Variants in DIPK2A observed in about 807,000 individuals in gnomAD.
The protein encoded by DIPK2A is Golgi Protein of 49 kDa.
In DIPK2A, 27 loss-of-function variants were observed where a neutral mutation model predicts 39.0. The observed-to-expected ratio is 0.69, with a 90% CI of 0.51 to 0.96. The LOEUF (loss-of-function observed/expected upper bound fraction) is 0.96. Among genes scored for constraint, DIPK2A ranks in the 40% least tolerant of loss-of-function variants. The probability of loss-of-function intolerance (pLI) is 0.00; values close to 1 mark genes in which losing one functional copy is unlikely to be tolerated. For synonymous variants in DIPK2A, 298 were observed against 240.8 expected (o/e 1.24, Z -2.20); for missense variants, 528 against 571.3 (o/e 0.92, Z 0.77).
intron 1 of DIPK2A, chr3:143,978,652 A>ATC (rs2087778048): frequency 9.9e-5 from 5 of 50,644 alleles, no homozygotes; most frequent in East Asian, 5.6e-4. Flanking sequence ...ATATATATAT[A>ATC]TATATATCTA....
intron 1 of DIPK2A, among the ~76,000 whole-genome samples, chr3:143,981,132 G>C (rs1271389881): frequency 6.6e-6 from 1 of 152,160 alleles, no homozygotes; most frequent in African/African-American, 2.4e-5. Context: ...TAACCTGGCA[G>C]GATGGTGGAT....
chr3:143,972,759 C>T lies in DIPK2A; in HGVS notation c.427C>T (p.Arg143Trp). Reference protein sequence around the residue: ...PRCDLLQAMPRTEFARLNGDV... With the variant: ...PRCDLLQAMPWTEFARLNGDV... Reference sequence around the variant, plus strand: ...CTGCGACCTGCTGCAGGCCATGCCCCGGACCGAGTTCGCGCGCCTCAACGG... The same window carrying T: ...CTGCGACCTGCTGCAGGCCATGCCCTGGACCGAGTTCGCGCGCCTCAACGG... Residue 143 changes from arginine (R) to tryptophan (W), a missense_variant, in exon 1 of 3, where the codon CGG becomes TGG. By Grantham distance (101) the Arg-to-Trp change is moderately radical (BLOSUM62 -3). This residue lies in a region of DIPK2A where 309 missense variants were observed against 289.8 expected (regional missense o/e 1.07). Coordinates refer to ENST00000315691, the MANE Select transcript of DIPK2A (RefSeq NM_173552.5). 8.9e-6 allele frequency: 14 copies of T among 1,576,396 alleles called. No homozygotes were observed. The highest frequency in any genetic ancestry group is 1.2e-5 in the Non-Finnish European group (14 of 1,165,072).
rs1195574149 is a variant in DIPK2A at position 143,972,603 on chromosome 3, G to A, written c.271G>A (p.Val91Met). ...RLLDFLNVKN[V>M]YFAQYGEPRE... ...GCTGGACTTCCTCAACGTGAAGAAC[G>A]TGTACTTCGCGCAGTACGGCGAGCC... is the stretch of plus-strand genomic sequence containing the variant. The change falls in exon 1 of 3, where the codon GTG (valine) becomes ATG (methionine). Residue 91 changes from valine to methionine, a missense_variant. Physicochemically the swap from Val to Met is conservative, Grantham distance 21. Transcript: ENST00000315691. 4.3e-6 allele frequency: 7 copies of A among 1,612,208 alleles called. No homozygotes were observed. The highest frequency in any genetic ancestry group is 1.7e-5 in the Admixed American group (1 of 60,004).
intron 2 of DIPK2A, among the ~76,000 whole-genome samples, chr3:143,986,616 C>T (rs1559856827): frequency 2.0e-5 from 3 of 149,236 alleles, no homozygotes; most frequent in East Asian, 4.0e-4. Context: ...CCTAGCTACT[C>T]GGGAGGCTGA....
At chr3:143,978,616 C>CTATATATA (rs59804208) in intron 1 of DIPK2A, 1 of 126,124 alleles carries the variant, frequency 7.9e-6, no homozygotes, top group African/African-American at 2.9e-5. Context: ...ATATATATAT[C>CTATATATA]TATATCTATA....
At position 143,972,509 on chromosome 3, in the gene DIPK2A, C is replaced by A. The variant is rs367805694; in HGVS notation, c.177C>A (p.Phe59Leu). The A allele has an allele frequency of 6.2e-7, 1 of 1,610,584 alleles. No homozygotes were observed. Among genetic ancestry groups the A allele is most frequent in the East Asian group, 2.2e-5 (1 of 44,806 alleles). Residue 59 changes from phenylalanine to leucine, a missense_variant, in exon 1 of 3, where the codon TTC (phenylalanine) becomes TTA (leucine). By Grantham distance (22) the Phe-to-Leu change is conservative. Coordinates refer to ENST00000315691, the MANE Select transcript of DIPK2A (RefSeq NM_173552.5). ...AGCTCAATAAGTGCCCGGCGTGCTT[C>A]GGCACGAGCTGGTGCCGCCGCTTCC... ...FLQLNKCPAC[F>L]GTSWCRRFLN...
intron 2 of DIPK2A, among the ~76,000 whole-genome samples, 172 bp from the exon 3 acceptor site, chr3:143,989,338 G>A (rs1049744612): frequency 2.0e-5 from 3 of 152,114 alleles, no homozygotes; most frequent in Non-Finnish European, 2.9e-5. Flanking sequence ...GCGTTAGTGG[G>A]CTCCCAGTGA....
chr3:143,988,297 G>A (rs531933346), intron 2 of DIPK2A, among the ~76,000 whole-genome samples: 2 of 152,094 alleles, frequency 1.3e-5, no homozygotes, highest in South Asian at 4.2e-4. Flanking sequence ...GTGGGATCTC[G>A]CTGTGTTGCC....
At chr3:143,986,608 T>C (rs113964543) in intron 2 of DIPK2A, among the ~76,000 whole-genome samples, 4,342 of 150,964 alleles carry the variant, frequency 0.029, 78 homozygotes, top group Non-Finnish European at 0.041. Flanking sequence ...CCTGTAGTCC[T>C]AGCTACTCGG....
In DIPK2A at chr3:143,985,534, C is replaced by G. The variant is rs763651818; in HGVS notation, c.658-9C>G. On this transcript the variant is annotated splice_polypyrimidine_tract_variant and intron_variant, in intron 1 of 2. Transcript: ENST00000315691. Reference sequence around the variant, plus strand: ...AATCTCTTGTAATATTAAGATAATTCTTTTGTAGAGTTTTCCGTCTGATGA... The same window carrying G: ...AATCTCTTGTAATATTAAGATAATTGTTTTGTAGAGTTTTCCGTCTGATGA... 6.2e-7 allele frequency: 1 copy of G among 1,608,318 alleles called. No individual in the cohort carries two copies. Among genetic ancestry groups the G allele is most frequent in the Non-Finnish European group, 8.5e-7 (1 of 1,175,614 alleles).
At chr3:143,977,848 T>G (rs889276303) in intron 1 of DIPK2A, among the ~76,000 whole-genome samples, 3 of 152,102 alleles carry the variant, frequency 2.0e-5, no homozygotes, top group Non-Finnish European at 4.4e-5. Context: ...GGGACTTTTA[T>G]TTTAGAAAGA....
At chr3:143,974,142 TA>T (rs1175168759) in intron 1 of DIPK2A, among the ~76,000 whole-genome samples, 1 of 151,810 alleles carries the variant, frequency 6.6e-6, no homozygotes, top group East Asian at 1.9e-4. Context: ...TTTATTTTTC[TA>T]AAATGCATGA....
chr3:143,978,640 CTATATA>C (rs35495369), intron 1 of DIPK2A: 8 of 117,042 alleles, frequency 6.8e-5, no homozygotes, highest in East Asian at 2.4e-4. Context: ...ATATATATAT[CTATATA>C]TATATATATA....
intron 1 of DIPK2A, among the ~76,000 whole-genome samples, chr3:143,979,595 A>G (rs571164133): frequency 6.6e-6 from 1 of 152,154 alleles, no homozygotes; most frequent in African/African-American, 2.4e-5. Context: ...CCAGGAACTG[A>G]TCTGTATATA....
rs147295990 is a variant in DIPK2A, at chr3:143,987,331, A to G, written c.961+1485A>G. The stretch of plus-strand genomic sequence containing the variant: ...ATTCATTTTATGCAGACATTCCTGG[A>G]ATAATTATTACTAATTCCTGACCTT... On this transcript the variant is annotated intron_variant, in intron 2 of 2. Coordinates refer to ENST00000315691, the MANE Select transcript of DIPK2A (RefSeq NM_173552.5). 1.9e-3 allele frequency among the ~76,000 whole-genome samples: 291 copies of G among 152,340 alleles called. 2 individuals carry two copies. The highest frequency in any genetic ancestry group is 6.5e-3 in the African/African-American group (272 of 41,578).
Position 143,972,310 on chromosome 3 carries a change from C to A in DIPK2A, c.-23C>A, listed in dbSNP as rs1385906439. The A allele has an allele frequency of 2.2e-6, 3 of 1,352,232 alleles. No individual in the cohort carries two copies. Among genetic ancestry groups the A allele is most frequent in the African/African-American group, 1.5e-5 (1 of 64,878 alleles). The allele number at this position is 1,352,232 out of a possible 1,614,324, so 83.8% of individuals were successfully genotyped here. A position where few individuals can be genotyped will look rare whatever the true frequency, so the allele number is the denominator to read the frequency against. On this transcript the variant is annotated 5_prime_UTR_variant, in exon 1 of 3. Transcript: ENST00000315691. Reference sequence around the variant, plus strand: ...GGCGCCCCGGGGGTGCCCTCGCCCTCCCGTTGCGGGCGGGCGGGCGGTATG... The same window carrying A: ...GGCGCCCCGGGGGTGCCCTCGCCCTACCGTTGCGGGCGGGCGGGCGGTATG...
intron 1 of DIPK2A, among the ~76,000 whole-genome samples, chr3:143,978,678 A>C (rs28481810): frequency 0.12 from 6,533 of 55,052 alleles, 247 homozygotes; most frequent in Middle Eastern, 0.23. Flanking sequence ...AGATATATAT[A>C]TATCTATATA....
intron 1 of DIPK2A, among the ~76,000 whole-genome samples, chr3:143,976,555 T>A (rs2370158): frequency 0.5 from 57,552 of 116,242 alleles, 12,651 homozygotes; most frequent in Non-Finnish European, 0.54. Flanking sequence ...TGTGTGTGTG[T>A]GAGAGAGAGA....
chr3:143,985,027 A>G (rs1053995267), intron 1 of DIPK2A, among the ~76,000 whole-genome samples: 4 of 152,180 alleles, frequency 2.6e-5, no homozygotes, highest in African/African-American at 9.7e-5. Context: ...TCATATTCAT[A>G]ATTATTTGTT....
Sources: gnomAD v4.1 joint callset for allele counts (sites outside exome capture counted in the v4.1 genomes callset) on GRCh38, gnomAD v4.1.1 for gene constraint, gnomAD v4.1.1 regional missense constraint, MANE v1.5 for transcripts, NCBI Gene and HGNC (gene_info 2026-07-23, HGNC 2026-07-21) for gene names.